The following TASP1 variants were observed in gnomAD, a reference collection of about 807,000 sequenced individuals.
TASP1 encodes threonine aspartase 1.
In TASP1, 16 loss-of-function variants were observed where a neutral mutation model predicts 56.6. The ratio of observed to expected loss-of-function variants is 0.28; its 90% confidence interval spans 0.19 to 0.43. TASP1 has a LOEUF of 0.43. Ranked by LOEUF, TASP1 falls within the 20% of genes least tolerant of loss-of-function variation. The pLI is 1.00. For synonymous variants in TASP1, 179 were observed against 184.2 expected, an observed-to-expected ratio of 0.97 and a Z score of 0.23; for missense variants, 393 against 511.6, an observed-to-expected ratio of 0.77 and a Z score of 2.24.
chr20:13,116,489 C>T, the TASP1 span, among the ~76,000 whole-genome samples: 2 of 152,040 alleles, frequency 1.3e-5, no homozygotes, highest in Non-Finnish European at 2.9e-5. Flanking sequence ...CCCAGAGGTG[C>T]CATGTAAATA....
intron 10 of TASP1, among the ~76,000 whole-genome samples, chr20:13,519,857 G>T (rs933399718): frequency 6.6e-6 from 1 of 152,180 alleles, no homozygotes; most frequent in African/African-American, 2.4e-5. Context: ...TGACATGATT[G>T]TATATCTAGA....
At chr20:13,424,888 A>G (rs1029927450) in intron 12 of TASP1, among the ~76,000 whole-genome samples, 2 of 152,162 alleles carry the variant, frequency 1.3e-5, no homozygotes, top group African/African-American at 4.8e-5. Flanking sequence ...GAGATTTGGC[A>G]CAATTCTTCT....
chr20:13,227,342 TACA>T, the TASP1 span, among the ~76,000 whole-genome samples: 1 of 151,714 alleles, frequency 6.6e-6, no homozygotes, highest in East Asian at 1.9e-4. Flanking sequence ...TAGCTGGGAC[TACA>T]GGCACATGCC....
chr20:13,149,389 C>T, the TASP1 span, among the ~76,000 whole-genome samples: 7 of 152,206 alleles, frequency 4.6e-5, no homozygotes, highest in Admixed American at 4.6e-4. Context: ...GCAAGAATCT[C>T]AAAGCCCAAC....
the TASP1 span, chr20:13,270,639 C>T: frequency 6.2e-7 from 1 of 1,613,896 alleles, no homozygotes; most frequent in Non-Finnish European, 8.5e-7. Flanking sequence ...AGAGACGGGG[C>T]ACCCTTCATT....
chr20:13,223,945 T>G, the TASP1 span, among the ~76,000 whole-genome samples: 1 of 152,068 alleles, frequency 6.6e-6, no homozygotes, highest in Non-Finnish European at 1.5e-5. Context: ...GGGGTTGGCC[T>G]TTTCCGCTTG....
chr20:13,310,226 A>C, the TASP1 span, among the ~76,000 whole-genome samples: 56 of 152,334 alleles, frequency 3.7e-4, no homozygotes, highest in Non-Finnish European at 7.9e-4. Context: ...CATGATACTA[A>C]CATATAAATC....
the TASP1 span, among the ~76,000 whole-genome samples, chr20:13,140,196 G>A: frequency 6.6e-6 from 1 of 152,148 alleles, no homozygotes; most frequent in East Asian, 1.9e-4. Context: ...TTTCTTTGAA[G>A]AGGGGATGTG....
the TASP1 span, among the ~76,000 whole-genome samples, chr20:13,217,334 T>A: frequency 6.6e-6 from 1 of 152,220 alleles, no homozygotes; most frequent in East Asian, 1.9e-4. Flanking sequence ...TTTACTTTTG[T>A]ATATATTAAA....
intron 12 of TASP1, among the ~76,000 whole-genome samples, chr20:13,429,488 T>TAA (rs949798335): frequency 8.8e-4 from 134 of 151,830 alleles, no homozygotes; most frequent in Non-Finnish European, 1.3e-3. Flanking sequence ...TTTTTTTTTT[T>TAA]AAAAAGGACT....
Position 13,489,402 on chromosome 20 carries a change from G to A in TASP1, c.875-6065C>T, listed in dbSNP as rs137986798. On this transcript the variant is annotated intron_variant, in intron 10 of 13. Coordinates refer to ENST00000337743, the MANE Select transcript of TASP1 (RefSeq NM_017714.3). ...TAAGTTGAATGTCTCTGCCATATCT[G>A]ACTAAATCCAACTTTCCATGCCTGC... 1.1e-3 allele frequency among the ~76,000 whole-genome samples: 162 copies of A among 152,202 alleles called. 1 individual carries two copies. Among genetic ancestry groups the A allele is most frequent in the Middle Eastern group, 3.4e-3 (1 of 294 alleles).
At chr20:13,127,185 G>C in the TASP1 span, among the ~76,000 whole-genome samples, 1 of 152,206 alleles carries the variant, frequency 6.6e-6, no homozygotes, top group African/African-American at 2.4e-5. Context: ...CACACAATAA[G>C]CTTCCAGCCA....
chr20:13,520,548 G>A (rs1224022421), intron 10 of TASP1, among the ~76,000 whole-genome samples: 1 of 152,270 alleles, frequency 6.6e-6, no homozygotes, highest in Admixed American at 6.5e-5. Context: ...AATAAATGGT[G>A]CTGGGAAAAC....
the TASP1 span, among the ~76,000 whole-genome samples, chr20:13,198,835 TTTCTTTCTTTCTTTCTTTCTTTCC>T: frequency 4.1e-5 from 6 of 145,210 alleles, no homozygotes; most frequent in African/African-American, 1.0e-4. Flanking sequence ...TCTTTCTTTC[TTTCTTTCTTTCTTTCTTTCTTTCC>T]TTCCTTCCTT....
At chr20:13,630,182 A>C (rs2049033072) in intron 1 of TASP1, 30 bp from the exon 2 acceptor site, 1 of 1,232,988 alleles carries the variant, frequency 8.1e-7, no homozygotes, top group African/African-American at 1.6e-5. Context: ...GATGGTATAC[A>C]TTTCTTTCCA....
intron 11 of TASP1, among the ~76,000 whole-genome samples, chr20:13,471,200 G>C (rs546216124): frequency 2.2e-4 from 33 of 152,224 alleles, no homozygotes; most frequent in Admixed American, 5.2e-4. Context: ...GGGTGGACAG[G>C]GAAAGCTTCT....
intron 6 of TASP1, among the ~76,000 whole-genome samples, chr20:13,572,254 T>C (rs1341589590): frequency 2.0e-5 from 3 of 152,196 alleles, no homozygotes; most frequent in Admixed American, 6.5e-5. Flanking sequence ...AACAAAATAA[T>C]AGAGTGTCAA....
At chr20:13,242,177 G>A in the TASP1 span, among the ~76,000 whole-genome samples, 16 of 152,250 alleles carry the variant, frequency 1.1e-4, no homozygotes, top group African/African-American at 3.9e-4. Flanking sequence ...GGTATGGGAG[G>A]TGAGGAGGTC....
chr20:13,634,538 T>C (rs1014562939), intron 1 of TASP1, among the ~76,000 whole-genome samples: 3 of 152,138 alleles, frequency 2.0e-5, no homozygotes, highest in African/African-American at 7.2e-5. Flanking sequence ...GAGACAAGCC[T>C]GGCCAACATG....
Sources: gnomAD v4.1 joint callset for allele counts (sites outside exome capture counted in the v4.1 genomes callset) on GRCh38, gnomAD v4.1.1 for gene constraint, MANE v1.5 for transcripts, NCBI Gene and HGNC (gene_info 2026-07-23, HGNC 2026-07-21) for gene names.